Variants in SEMA5A observed in about 807,000 individuals in gnomAD.
SEMA5A encodes the protein semaphorin-5A.
SEMA5A carries 55 observed loss-of-function variants against 135.5 expected under a neutral mutation model. The ratio of observed to expected loss-of-function variants is 0.41; its 90% CI spans 0.33 to 0.51. The LOEUF (loss-of-function observed/expected upper bound fraction) is 0.51. Ranked by LOEUF, SEMA5A falls within the 20% of genes least tolerant of loss-of-function variation. The pLI, the probability that SEMA5A is intolerant of heterozygous loss-of-function variation, is 0.37. For missense variants in SEMA5A, 1,290 were observed against 1,419.9 expected, an observed-to-expected ratio of 0.91 and a Z score of 1.47; for synonymous variants, 580 against 546.5, an observed-to-expected ratio of 1.06 and a Z score of -0.85.
chr5:9,354,100 C>T (rs934378058), intron 3 of SEMA5A, among the ~76,000 whole-genome samples: 1 of 152,150 alleles, frequency 6.6e-6, no homozygotes, highest in African/African-American at 2.4e-5. Context: ...TCCAAATCAC[C>T]AGCCTCTGCA....
At chr5:9,363,121 G>C (rs547029276) in intron 3 of SEMA5A, among the ~76,000 whole-genome samples, 6 of 152,244 alleles carry the variant, frequency 3.9e-5, no homozygotes, top group Admixed American at 3.9e-4. Context: ...AACCATCCTA[G>C]GTTCTTCGGA....
At chr5:9,183,514 A>G (rs1744639038) in intron 11 of SEMA5A, among the ~76,000 whole-genome samples, 1 of 152,158 alleles carries the variant, frequency 6.6e-6, no homozygotes, top group South Asian at 2.1e-4. Context: ...AACTGGAGGA[A>G]CCTCCTGGTC....
At chr5:9,258,814 T>TTTTTC (rs1245185761) in intron 5 of SEMA5A, among the ~76,000 whole-genome samples, 3 of 132,256 alleles carry the variant, frequency 2.3e-5, no homozygotes, top group Non-Finnish European at 3.2e-5. Context: ...TTTTTTTTTT[T>TTTTTC]TTTTTTTTTT....
chr5:9,043,179 T>A (rs1286488653), intron 22 of SEMA5A, 163 bp from the exon 23 acceptor site: 8 of 619,796 alleles, frequency 1.3e-5, no homozygotes, highest in Non-Finnish European at 2.1e-5. Flanking sequence ...ATTTGCCCCA[T>A]GGAGGACTTG....
intron 3 of SEMA5A, among the ~76,000 whole-genome samples, chr5:9,351,972 C>T (rs954618006): frequency 6.6e-6 from 1 of 152,148 alleles, no homozygotes; most frequent in Non-Finnish European, 1.5e-5. Flanking sequence ...TTCAAGGAGA[C>T]CCCCTTAGCC....
Position 9,162,359 on chromosome 5 carries a change from T to C in SEMA5A, c.1274-7664A>G, listed in dbSNP as rs1278573673. On this transcript the variant is annotated intron_variant, in intron 11 of 22. Transcript: ENST00000382496. ...TAACAAGGAAAAGCAAGCAAAGGTA[T>C]ATAGCATGATGTTCAAACAAACATG... Among the ~76,000 whole-genome samples the C allele has an allele frequency of 2.0e-5, 3 of 151,564 alleles. No homozygotes were observed. In the South Asian group the frequency reaches 6.3e-4, roughly 32 times the overall value.
At chr5:9,372,974 G>A (rs533081953) in intron 3 of SEMA5A, among the ~76,000 whole-genome samples, 2 of 152,196 alleles carry the variant, frequency 1.3e-5, no homozygotes, top group African/African-American at 2.4e-5. Flanking sequence ...ACAGCACGGG[G>A]TCAAGGGAAG....
In SEMA5A at chr5:9,099,652, G is replaced by A. The variant is rs1739514764; in HGVS notation, c.2073+8488C>T. ...GACATGTCTTTCCCCATCAGCTACTGAACGGTATTTGAAGGGTAGCTTCCA... is the reference window on the plus strand; with the variant it reads ...GACATGTCTTTCCCCATCAGCTACTAAACGGTATTTGAAGGGTAGCTTCCA... On this transcript the variant is annotated intron_variant, in intron 16 of 22. Coordinates refer to ENST00000382496, the MANE Select transcript of SEMA5A (RefSeq NM_003966.3). Among the ~76,000 whole-genome samples the A allele has an allele frequency of 2.6e-5, 4 of 152,304 alleles. No individual in the cohort carries two copies. In the South Asian group the frequency reaches 6.2e-4, roughly 24 times the overall value.
At chr5:9,258,690 G>A (rs182669368) in intron 5 of SEMA5A, among the ~76,000 whole-genome samples, 5 of 151,076 alleles carry the variant, frequency 3.3e-5, no homozygotes, top group Non-Finnish European at 4.4e-5. Context: ...GTCTTGGTGA[G>A]TATTAAGGAG....
At chr5:9,420,916 T>C (rs1303820934) in intron 2 of SEMA5A, among the ~76,000 whole-genome samples, 1 of 152,152 alleles carries the variant, frequency 6.6e-6, no homozygotes, top group Non-Finnish European at 1.5e-5. Flanking sequence ...CTTGGGAAGC[T>C]GAGGCAGGAG....
At chr5:9,353,584 T>A (rs1307614940) in intron 3 of SEMA5A, among the ~76,000 whole-genome samples, 1 of 152,118 alleles carries the variant, frequency 6.6e-6, no homozygotes, top group African/African-American at 2.4e-5. Context: ...CCAGATATCA[T>A]ATATCTGGTT....
rs777524410 is a variant in SEMA5A at position 9,154,702 on chromosome 5, A to C, written c.1274-7T>G. 2 of 1,612,758 alleles carry C rather than the reference A, an allele frequency of 1.2e-6. No individual in the cohort carries two copies. Among genetic ancestry groups the C allele is most frequent in the Admixed American group, 3.3e-5 (2 of 60,016 alleles). On this transcript the variant is annotated splice_region_variant and splice_polypyrimidine_tract_variant and intron_variant, in intron 11 of 22. Coordinates refer to ENST00000382496, the MANE Select transcript of SEMA5A (RefSeq NM_003966.3). ...TTCTTAATGGTTCCGTAATCTATGA[A>C]GGTCACAGGATGAAAAGGAAACAAG...
intron 3 of SEMA5A, among the ~76,000 whole-genome samples, chr5:9,353,164 G>GGAAAGGAAAGGAAAGGAAAGGAAAGGAAA: frequency 3.4e-5 from 1 of 29,356 alleles, no homozygotes; most frequent in African/African-American, 1.9e-4. Context: ...AAGGAAAGGA[G>GGAAAGGAAAGGAAAGGAAAGGAAAGGAAA]GGAAAGGAAG....
chr5:9,320,262 C>T (rs1264877975), intron 4 of SEMA5A, among the ~76,000 whole-genome samples: 1 of 152,196 alleles, frequency 6.6e-6, no homozygotes, highest in African/African-American at 2.4e-5. Context: ...CATGCCACCT[C>T]CATCACAAAG....
At chr5:9,540,132 C>T (rs1420413595) in intron 1 of SEMA5A, among the ~76,000 whole-genome samples, 1 of 152,204 alleles carries the variant, frequency 6.6e-6, no homozygotes, top group Non-Finnish European at 1.5e-5. Flanking sequence ...GATTCGGTCA[C>T]TTACCCAAGA....
At chr5:9,327,729 T>C (rs1475032496) in intron 4 of SEMA5A, among the ~76,000 whole-genome samples, 1 of 152,192 alleles carries the variant, frequency 6.6e-6, no homozygotes, top group Non-Finnish European at 1.5e-5. Context: ...TTGTTAATAA[T>C]TACACTAATA....
intron 11 of SEMA5A, among the ~76,000 whole-genome samples, chr5:9,184,400 A>C (rs1744696064): frequency 6.6e-6 from 1 of 152,002 alleles, no homozygotes; most frequent in African/African-American, 2.4e-5. Context: ...TTCTTCCTTT[A>C]TTGCAGGGTA....
At chr5:9,516,749 A>G (rs915363614) in intron 1 of SEMA5A, 1 of 152,274 alleles carries the variant, frequency 6.6e-6, no homozygotes, top group Non-Finnish European at 1.5e-5. Context: ...TGCAACTGGA[A>G]GACCAATGAG....
chr5:9,356,203 G>A (rs144297586), intron 3 of SEMA5A, among the ~76,000 whole-genome samples: 1 of 152,102 alleles, frequency 6.6e-6, no homozygotes, highest in East Asian at 1.9e-4. Flanking sequence ...AGGCTCTGTT[G>A]GTTATGATTA....
Sources: gnomAD v4.1 joint callset for allele counts (sites outside exome capture counted in the v4.1 genomes callset) on GRCh38, gnomAD v4.1.1 for gene constraint, MANE v1.5 for transcripts, NCBI Gene and HGNC (gene_info 2026-07-23, HGNC 2026-07-21) for gene names.